SEC61A2: variants seen among roughly 807,000 people sequenced by gnomAD.
SEC61A2 encodes SEC61 translocon subunit alpha 2, also known as protein transport protein Sec61 subunit alpha isoform 2.
In SEC61A2, 28 loss-of-function variants were observed where a neutral mutation model predicts 59.9. The observed-to-expected ratio is 0.47, with a 90% CI of 0.35 to 0.64. The LOEUF (loss-of-function observed/expected upper bound fraction) is 0.64, where lower values mean the gene tolerates loss of function less well. Among genes scored for constraint, SEC61A2 ranks in the 30% least tolerant of loss-of-function variants. The probability of loss-of-function intolerance (pLI) is 0.01; values close to 1 mark genes in which losing one functional copy is unlikely to be tolerated. For missense variants in SEC61A2, 340 were observed against 585.9 expected (o/e 0.58, Z 4.33); for synonymous variants, 202 against 214.4 (o/e 0.94, Z 0.50).
chr10:12,167,044 CTTGCG>C (rs1834716605), downstream of SEC61A2: 3 of 181,838 alleles, frequency 1.6e-5, no homozygotes, highest in South Asian at 3.0e-4. Context: ...CGTGCAGATG[CTTGCG>C]GGATGGACCT....
In SEC61A2 at chr10:12,156,101, T is replaced by C. The variant is rs962276638; in HGVS notation, c.616+170T>C. On this transcript the variant is annotated intron_variant, in intron 7 of 11. Coordinates refer to ENST00000298428, the MANE Select transcript of SEC61A2 (RefSeq NM_018144.4). This position sits in a 1 kb window ranked among gnomAD's most constrained non-coding sequence, Gnocchi z 5.2. ...CAGAGATTTGTGGAGTAAGCAATAC[T>C]ACCTCAGAGAGAATAGTATCAAAAT... Among the ~76,000 whole-genome samples, 1 of 152,246 alleles carries C rather than the reference T, an allele frequency of 6.6e-6. No individual in the cohort carries two copies. Among genetic ancestry groups the C allele is most frequent in the Non-Finnish European group, 1.5e-5 (1 of 68,036 alleles).
chr10:12,148,492 G>A (rs572926228), intron 4 of SEC61A2, among the ~76,000 whole-genome samples: 115 of 150,044 alleles, frequency 7.7e-4, no homozygotes, highest in African/African-American at 2.7e-3. Flanking sequence ...TGATCTGCCC[G>A]CCTTGGCCTC....
In SEC61A2 at chr10:12,157,063, T is replaced by A. The variant is rs1329885384; in HGVS notation, c.773T>A (p.Phe258Tyr). The A allele has an allele frequency of 6.2e-7, 1 of 1,613,550 alleles. No homozygotes were observed. Among genetic ancestry groups the A allele is most frequent in the East Asian group, 2.2e-5 (1 of 44,884 alleles). The change falls in exon 8 of 12, where the codon TTC becomes TAC. Residue 258 changes from phenylalanine (F) to tyrosine (Y), a missense_variant. Phe to Tyr is a conservative substitution (Grantham distance 22). Around this residue, in one of 3 missense-constraint regions of SEC61A2, gnomAD observed 283 missense variants for 483.2 expected, o/e 0.59. Transcript: ENST00000298428. ...TTTGTGTTTGCTGTTGTTATATATT[T>A]CCAAGTAAGTATAACCTTTTCACCA... ...TVFVFAVVIY[F>Y]QGFRVDLPIK...
chr10:12,137,795 T>C (rs1833921584), intron 3 of SEC61A2, among the ~76,000 whole-genome samples: 1 of 152,014 alleles, frequency 6.6e-6, no homozygotes, highest in African/African-American at 2.4e-5. Context: ...TTACTTGACG[T>C]CAGGAGTTGA....
intron 4 of SEC61A2, among the ~76,000 whole-genome samples, chr10:12,144,951 A>G (rs559449084): frequency 1.3e-5 from 2 of 152,088 alleles, no homozygotes; most frequent in African/African-American, 4.8e-5. Context: ...TGGGAGGCTG[A>G]GGTGGGAGGA....
At chr10:12,150,586 A>G (rs958526078) in intron 6 of SEC61A2, among the ~76,000 whole-genome samples, 2 of 152,254 alleles carry the variant, frequency 1.3e-5, no homozygotes, top group Non-Finnish European at 2.9e-5. Context: ...GCAATAAGGT[A>G]TTGTGCCATA....
At chr10:12,168,690 C>G (rs1834772933), downstream of SEC61A2, among the ~76,000 whole-genome samples, 2 of 152,202 alleles carry the variant, frequency 1.3e-5, no homozygotes, top group Admixed American at 1.3e-4. This position sits in a 1 kb window ranked among gnomAD's most constrained non-coding sequence, Gnocchi z 4.8. Context: ...GAAGCATGTC[C>G]TACTCACCTG....
chr10:12,156,208 C>T lies in SEC61A2; in HGVS notation c.616+277C>T, dbSNP rs1321653512. ...TTTGTTAACCTTGCTTAAGGCATTG[C>T]TGCAGAAGTCATTTATTTGACTGAT... On this transcript the variant is annotated intron_variant, in intron 7 of 11. Coordinates refer to ENST00000298428, the MANE Select transcript of SEC61A2 (RefSeq NM_018144.4). This position sits in a 1 kb window ranked among gnomAD's most constrained non-coding sequence, Gnocchi z 5.2. Among the ~76,000 whole-genome samples the T allele has an allele frequency of 2.0e-5, 3 of 152,194 alleles. No individual in the cohort carries two copies. Among genetic ancestry groups the T allele is most frequent in the Non-Finnish European group, 4.4e-5 (3 of 68,026 alleles).
At chr10:12,150,708 G>A (rs1450835906) in intron 6 of SEC61A2, among the ~76,000 whole-genome samples, 4 of 151,986 alleles carry the variant, frequency 2.6e-5, no homozygotes, top group African/African-American at 4.8e-5. Context: ...ATATTCCATG[G>A]GTTTTTTAAA....
intron 4 of SEC61A2, among the ~76,000 whole-genome samples, chr10:12,148,021 A>C (rs938607181): frequency 3.3e-5 from 5 of 151,488 alleles, no homozygotes; most frequent in African/African-American, 1.2e-4. Flanking sequence ...GCTCACTGCA[A>C]CCTCTGCCTC....
At chr10:12,138,614 A>G (rs1833941173) in intron 3 of SEC61A2, among the ~76,000 whole-genome samples, 1 of 152,246 alleles carries the variant, frequency 6.6e-6, no homozygotes, top group South Asian at 2.1e-4. Flanking sequence ...CTTCATGTAA[A>G]TGGAATCATA....
At chr10:12,141,528 A>G (rs1272364047) in intron 3 of SEC61A2, among the ~76,000 whole-genome samples, 1 of 152,168 alleles carries the variant, frequency 6.6e-6, no homozygotes, top group Non-Finnish European at 1.5e-5. Context: ...TGTTTTAATG[A>G]AAAGTTAATG....
Position 12,153,623 on chromosome 10 carries a change from A to G in SEC61A2, c.463-2155A>G. ...AGTGGATGTACACTGATTCATTTAC[A>G]TGAATTCTGATACACAAATATGCGT... On this transcript the variant is annotated intron_variant, in intron 6 of 11. Transcript: ENST00000298428. The surrounding 1 kb of genome is among the most constrained non-coding windows in gnomAD (Gnocchi z 5.2). 3 of 1,165,108 alleles carry G rather than the reference A, an allele frequency of 2.6e-6. No homozygotes were observed. Among genetic ancestry groups the G allele is most frequent in the Non-Finnish European group, 3.6e-6 (3 of 837,542 alleles). 72.2% of individuals were successfully genotyped at this position (1,165,108 alleles called of 1,614,324 possible).
At chr10:12,131,518 T>G (rs1833736572) in intron 1 of SEC61A2, among the ~76,000 whole-genome samples, 1 of 152,040 alleles carries the variant, frequency 6.6e-6, no homozygotes, top group Non-Finnish European at 1.5e-5. Context: ...TTATCTTACC[T>G]TTATATGTTA....
Position 12,155,191 on chromosome 10 carries a change from T to C in SEC61A2, c.463-587T>C. 4 of 535,106 alleles carry C rather than the reference T, an allele frequency of 7.5e-6. No homozygotes were observed. The highest frequency in any genetic ancestry group is 1.2e-5 in the Non-Finnish European group (4 of 345,874). 33.1% of individuals were successfully genotyped at this position (535,106 alleles called of 1,614,324 possible). A position where few individuals can be genotyped will look rare whatever the true frequency, so the allele number is the denominator to read the frequency against. ...AATCTTTGTCACTATGTGTATAGAA[T>C]GCATTTTTACATTGCTGCTCGAGTA... On this transcript the variant is annotated intron_variant, in intron 6 of 11. Transcript: ENST00000298428. The surrounding 1 kb of genome is among the most constrained non-coding windows in gnomAD (Gnocchi z 4.3).
rs1056779253 is a variant in SEC61A2 at position 12,153,921 on chromosome 10, A to G, written c.463-1857A>G. 3.6e-5 allele frequency: 38 copies of G among 1,045,036 alleles called. No individual in the cohort carries two copies. Among genetic ancestry groups the G allele is most frequent in the Middle Eastern group, 4.8e-4 (2 of 4,154 alleles). 64.7% of individuals were successfully genotyped at this position (1,045,036 alleles called of 1,614,324 possible). A position where few individuals can be genotyped will look rare whatever the true frequency, so the allele number is the denominator to read the frequency against. Reference sequence around the variant, plus strand: ...TCAGCTAGTGAGTTTAGAAATCTACATAGCAGGTCTTGACTAAAAATTTTA... The same window carrying G: ...TCAGCTAGTGAGTTTAGAAATCTACGTAGCAGGTCTTGACTAAAAATTTTA... On this transcript the variant is annotated intron_variant, in intron 6 of 11. Transcript: ENST00000298428. The surrounding 1 kb of genome is among the most constrained non-coding windows in gnomAD (Gnocchi z 5.2).
rs1031056158 is a variant in SEC61A2, at chr10:12,143,340, G to T, written c.220+145G>T. On this transcript the variant is annotated intron_variant, in intron 4 of 11. Coordinates refer to ENST00000298428, the MANE Select transcript of SEC61A2 (RefSeq NM_018144.4). This position sits in a 1 kb window ranked among gnomAD's most constrained non-coding sequence, Gnocchi z 4.8. The stretch of plus-strand genomic sequence containing the variant: ...CTAGTATGTAGATAATGACAACACC[G>T]TGTGATTAATGTAATCATAGAGAAA... The T allele has an allele frequency of 4.4e-6, 3 of 680,784 alleles. No homozygotes were observed. The African/African-American group carries it at 5.3e-5, about 12-fold the overall frequency. 42.2% of individuals were successfully genotyped at this position (680,784 alleles called of 1,614,324 possible).
chr10:12,165,934 T>A (rs923693168), downstream of SEC61A2: 4 of 151,928 alleles, frequency 2.6e-5, no homozygotes, highest in African/African-American at 9.7e-5. Context: ...CTTAAGAAGG[T>A]GGAAATATGG....
chr10:12,169,940 T>A (rs1834816991), downstream of SEC61A2: 1 of 590,022 alleles, frequency 1.7e-6, no homozygotes, highest in Non-Finnish European at 3.0e-6. This position sits in a 1 kb window ranked among gnomAD's most constrained non-coding sequence, Gnocchi z 4.8. Flanking sequence ...TTATACCCAA[T>A]AAAATATTCC....
Sources: allele counts gnomAD v4.1 joint callset (sites outside exome capture counted in the v4.1 genomes callset), GRCh38; gene constraint gnomAD v4.1.1; regional missense constraint gnomAD v4.1.1; non-coding constraint Gnocchi (gnomAD v3.1); transcripts MANE v1.5; gene names NCBI Gene and HGNC (gene_info 2026-07-23, HGNC 2026-07-21).